The following SCARA3 variants were observed in gnomAD, a reference collection of about 807,000 sequenced individuals.
SCARA3 encodes cellular stress response gene protein.
SCARA3 carries 39 observed loss-of-function variants against 47.0 expected under a neutral mutation model. The observed-to-expected ratio is 0.83, with a 90% CI of 0.64 to 1.08. The LOEUF (loss-of-function observed/expected upper bound fraction) is 1.08, where lower values mean the gene tolerates loss of function less well. Among genes scored for constraint, SCARA3 ranks in the 50% least tolerant of loss-of-function variants. The pLI is 0.00. For synonymous variants in SCARA3, 356 were observed against 334.1 expected (o/e 1.07, Z -0.71); for missense variants, 724 against 792.3 (o/e 0.91, Z 1.04).
chr8:27,646,983 G>A lies in SCARA3; in HGVS notation c.8-2719G>A, dbSNP rs796156423. Among the ~76,000 whole-genome samples, 12 of 16,584 alleles carry A rather than the reference G, an allele frequency of 7.2e-4. 1 individual carries two copies. The highest frequency in any genetic ancestry group is 5.7e-4 in the Non-Finnish European group (5 of 8,768). 10.9% of individuals were successfully genotyped at this position (16,584 alleles called of 152,430 possible). On this transcript the variant is annotated intron_variant, in intron 1 of 5. Transcript: ENST00000301904. ...CCCTGACCGCCCCCGCCCCCCCCCC[G>A]CACACACACACTATTGCCCCGGAAA...
chr8:27,717,382 C>T, the SCARA3 span, among the ~76,000 whole-genome samples: 80 of 152,260 alleles, frequency 5.3e-4, no homozygotes, highest in African/African-American at 1.8e-3. Flanking sequence ...CAAGTGGTAA[C>T]CTACAGCAGC....
chr8:27,688,712 A>G, the SCARA3 span, among the ~76,000 whole-genome samples: 1 of 152,140 alleles, frequency 6.6e-6, no homozygotes, highest in Non-Finnish European at 1.5e-5. Context: ...TCAATAGTGA[A>G]TATGGCTATA....
the SCARA3 span, among the ~76,000 whole-genome samples, chr8:27,729,329 C>T: frequency 1.3e-5 from 2 of 152,186 alleles, no homozygotes; most frequent in African/African-American, 4.8e-5. Context: ...TCTGGCTCAT[C>T]CCAGCCCCCA....
chr8:27,696,432 A>G, the SCARA3 span, among the ~76,000 whole-genome samples: 1 of 152,000 alleles, frequency 6.6e-6, no homozygotes, highest in East Asian at 1.9e-4. Flanking sequence ...TCTTTGAATC[A>G]GTATTTTTTG....
chr8:27,696,797 C>G, the SCARA3 span, among the ~76,000 whole-genome samples: 96 of 152,072 alleles, frequency 6.3e-4, no homozygotes, highest in Non-Finnish European at 1.2e-3. Context: ...TTTTGTTTTA[C>G]ATATTTTATG....
At chr8:27,695,623 A>G in the SCARA3 span, among the ~76,000 whole-genome samples, 2 of 152,220 alleles carry the variant, frequency 1.3e-5, no homozygotes, top group Non-Finnish European at 2.9e-5. Context: ...AATATGTTCA[A>G]AGAACTAAAG....
In SCARA3 at chr8:27,645,620, G is replaced by A. The variant is rs554663779; in HGVS notation, c.8-4082G>A. ...TCTGAGCCTTTGTGACATGATGGAGGTGAATTTGCAAATTCCCTTCCCACC... is the reference window on the plus strand; with the variant it reads ...TCTGAGCCTTTGTGACATGATGGAGATGAATTTGCAAATTCCCTTCCCACC... On this transcript the variant is annotated intron_variant, in intron 1 of 5. Coordinates refer to ENST00000301904, the MANE Select transcript of SCARA3 (RefSeq NM_016240.3). Among the ~76,000 whole-genome samples the A allele has an allele frequency of 3.3e-5, 5 of 152,364 alleles. 1 individual carries two copies. The highest frequency in any genetic ancestry group is 1.2e-4 in the African/African-American group (5 of 41,592).
rs1447096786 is a variant in SCARA3, at chr8:27,672,828, A to G, written c.*1477A>G. The G allele has an allele frequency of 1.0e-6, 1 of 985,618 alleles. No homozygotes were observed. The highest frequency in any genetic ancestry group is 5.2e-4 in the Middle Eastern group (1 of 1,916). 61.1% of individuals were successfully genotyped at this position (985,618 alleles called of 1,614,324 possible). ...CACCGCCCGCAAGGTTAGGGCATAG[A>G]GTTGTCTCCTTCCCAACACGGACCC... On this transcript the variant is annotated 3_prime_UTR_variant, in exon 6 of 6. Coordinates refer to ENST00000301904, the MANE Select transcript of SCARA3 (RefSeq NM_016240.3).
chr8:27,667,976 C>T (rs905879614), intron 5 of SCARA3, among the ~76,000 whole-genome samples: 1 of 152,194 alleles, frequency 6.6e-6, no homozygotes, highest in Non-Finnish European at 1.5e-5. Flanking sequence ...GGGTGAGAAG[C>T]GGCAGCTGTG....
At chr8:27,730,394 C>A in the SCARA3 span, among the ~76,000 whole-genome samples, 4 of 152,156 alleles carry the variant, frequency 2.6e-5, no homozygotes, top group Non-Finnish European at 1.5e-5. Context: ...AGCCCCTCCC[C>A]CTTCCCTGTA....
chr8:27,702,092 C>G, the SCARA3 span: 30 of 152,132 alleles, frequency 2.0e-4, no homozygotes, highest in Non-Finnish European at 3.4e-4. Flanking sequence ...AAACTGAGTC[C>G]TACAGTGAGA....
intron 3 of SCARA3, among the ~76,000 whole-genome samples, chr8:27,655,073 A>G (rs1801715265): frequency 6.6e-6 from 1 of 152,248 alleles, no homozygotes. Context: ...GCTGTTACTA[A>G]TTAAGTAAAT....
At chr8:27,668,278 C>A (rs1802062043) in intron 5 of SCARA3, among the ~76,000 whole-genome samples, 1 of 152,056 alleles carries the variant, frequency 6.6e-6, no homozygotes. Flanking sequence ...CGGTGGCTCA[C>A]GCCTGTAATC....
At chr8:27,690,102 A>G in the SCARA3 span, among the ~76,000 whole-genome samples, 3 of 152,186 alleles carry the variant, frequency 2.0e-5, no homozygotes, top group Admixed American at 1.3e-4. Context: ...GTTACTTTGG[A>G]ATTTCTAGCC....
At chr8:27,681,144 G>A (rs930729773), downstream of SCARA3, among the ~76,000 whole-genome samples, 2 of 151,974 alleles carry the variant, frequency 1.3e-5, no homozygotes, top group African/African-American at 4.8e-5. Flanking sequence ...CCTATCCTGT[G>A]AAATAAGACA....
the SCARA3 span, among the ~76,000 whole-genome samples, chr8:27,707,742 T>A: frequency 1.3e-5 from 2 of 151,560 alleles, no homozygotes; most frequent in African/African-American, 2.4e-5. Context: ...CCACAAAAAA[T>A]TTTAAAAGGC....
chr8:27,708,012 G>A, the SCARA3 span, among the ~76,000 whole-genome samples: 8 of 152,058 alleles, frequency 5.3e-5, no homozygotes, highest in Admixed American at 2.6e-4. Flanking sequence ...CACTGTCTTG[G>A]AAAACTATAA....
chr8:27,699,881 T>C, the SCARA3 span, among the ~76,000 whole-genome samples: 55 of 152,316 alleles, frequency 3.6e-4, no homozygotes, highest in Admixed American at 3.0e-3. Flanking sequence ...TTGAACCACA[T>C]TGAGATCCAG....
At chr8:27,670,857 G>A (rs1192491568) in intron 5 of SCARA3, 43 bp from the exon 6 acceptor site, 2 of 1,482,854 alleles carry the variant, frequency 1.3e-6, no homozygotes, top group Admixed American at 2.3e-5. Context: ...CGGGTGGGGA[G>A]CCCCTGACAG....
Sources: gnomAD v4.1 joint callset for allele counts (sites outside exome capture counted in the v4.1 genomes callset) on GRCh38, gnomAD v4.1.1 for gene constraint, MANE v1.5 for transcripts, NCBI Gene and HGNC (gene_info 2026-07-23, HGNC 2026-07-21) for gene names.